The following ATP8A2 variants were observed in gnomAD, a reference collection of about 807,000 sequenced individuals.
The protein encoded by ATP8A2 is phospholipid-transporting ATPase IB.
A neutral mutation model predicts 165.6 loss-of-function variants in ATP8A2; 100 were observed. The ratio of observed to expected loss-of-function variants is 0.60; its 90% CI spans 0.51 to 0.71. ATP8A2 has a LOEUF of 0.71. ATP8A2 is among the 30% of genes least tolerant of loss of function. The pLI, the probability that ATP8A2 is intolerant of heterozygous loss-of-function variation, is 0.00. For synonymous variants in ATP8A2, 543 were observed against 548.8 expected, an observed-to-expected ratio of 0.99 and a Z score of 0.15; for missense variants, 1,227 against 1,479.5, an observed-to-expected ratio of 0.83 and a Z score of 2.80.
chr13:25,459,818 G>A (rs563888281), intron 1 of ATP8A2, among the ~76,000 whole-genome samples: 1 of 152,142 alleles, frequency 6.6e-6, no homozygotes, highest in Non-Finnish European at 1.5e-5. Context: ...CAGGAGAGGG[G>A]TCACTGATGT....
At chr13:25,965,212 T>G (rs1278623163) in intron 34 of ATP8A2, among the ~76,000 whole-genome samples, 1 of 152,178 alleles carries the variant, frequency 6.6e-6, no homozygotes, top group Non-Finnish European at 1.5e-5. Context: ...CCTTTTCAAG[T>G]ATATTTCTGT....
intron 35 of ATP8A2, among the ~76,000 whole-genome samples, chr13:25,989,058 T>C (rs1956329875): frequency 6.6e-6 from 1 of 152,240 alleles, no homozygotes; most frequent in Non-Finnish European, 1.5e-5. Context: ...CCTTGAACCC[T>C]CATTATCTTT....
At chr13:25,656,696 G>A (rs779800950) in intron 24 of ATP8A2, among the ~76,000 whole-genome samples, 53 of 149,412 alleles carry the variant, frequency 3.5e-4, no homozygotes, top group Admixed American at 2.3e-3. Context: ...AGCTGAGATC[G>A]TGCCACTGCA....
chr13:25,718,952 G>T (rs538311713), intron 25 of ATP8A2, among the ~76,000 whole-genome samples: 2 of 152,272 alleles, frequency 1.3e-5, no homozygotes, highest in South Asian at 4.1e-4. Flanking sequence ...GAACATACGC[G>T]TGCATGTGGG....
chr13:25,669,347 C>T (rs1056592136), intron 24 of ATP8A2, among the ~76,000 whole-genome samples: 1 of 152,132 alleles, frequency 6.6e-6, no homozygotes, highest in African/African-American at 2.4e-5. Context: ...AGTTATGTGA[C>T]AGAGGATTTC....
At chr13:25,789,070 T>TTGAGGATGGATGTG (rs1209225871) in intron 27 of ATP8A2, among the ~76,000 whole-genome samples, 2 of 152,190 alleles carry the variant, frequency 1.3e-5, no homozygotes, top group Non-Finnish European at 2.9e-5. Flanking sequence ...GCTGGTTGAA[T>TTGAGGATGGATGTG]TGAGGATGGA....
At chr13:25,685,301 C>T (rs115519300) in intron 24 of ATP8A2, among the ~76,000 whole-genome samples, 2,312 of 152,290 alleles carry the variant, frequency 0.015, 58 homozygotes, top group African/African-American at 0.052. Context: ...ACTGGACTCC[C>T]TGTTTCCCAT....
chr13:25,961,184 C>T (rs749783060), intron 33 of ATP8A2, among the ~76,000 whole-genome samples: 3 of 152,132 alleles, frequency 2.0e-5, no homozygotes, highest in Non-Finnish European at 2.9e-5. Context: ...AATGAACGGG[C>T]ATTGAGAGAA....
chr13:25,947,743 A>G (rs1955250944), intron 33 of ATP8A2, among the ~76,000 whole-genome samples: 1 of 152,168 alleles, frequency 6.6e-6, no homozygotes, highest in Admixed American at 6.5e-5. Context: ...CCGTGACTCA[A>G]GCAGACACCG....
chr13:25,674,082 G>A (rs2042321333), intron 24 of ATP8A2, among the ~76,000 whole-genome samples: 1 of 152,124 alleles, frequency 6.6e-6, no homozygotes. Context: ...CTTCGGGAAG[G>A]TCTAGGAAAT....
chr13:25,646,140 A>G (rs536286423), intron 24 of ATP8A2, among the ~76,000 whole-genome samples: 1 of 152,280 alleles, frequency 6.6e-6, no homozygotes, highest in South Asian at 2.1e-4. Context: ...CTCTTGATGA[A>G]TTGAACCCAT....
chr13:25,666,677 A>G (rs1450034506), intron 24 of ATP8A2, among the ~76,000 whole-genome samples: 2 of 151,948 alleles, frequency 1.3e-5, no homozygotes, highest in South Asian at 2.1e-4. Flanking sequence ...TTTTTGTTAC[A>G]TATGTTAAAC....
rs139012953 is a variant in ATP8A2, at chr13:25,737,919, C to T, written c.2385-31127C>T. On this transcript the variant is annotated intron_variant, in intron 25 of 36. Transcript: ENST00000381655. ...CAGGATGGTCTCGATCTCCTGACCT[C>T]GTGATCCGCCCCTCTCGGCCTCCCA... Among the ~76,000 whole-genome samples, 863 of 152,212 alleles carry T rather than the reference C, an allele frequency of 5.7e-3. 4 individuals are homozygous for T. Among genetic ancestry groups the T allele is most frequent in the Non-Finnish European group, 8.4e-3 (569 of 67,994 alleles).
Position 25,469,028 on chromosome 13 carries a change from G to C in ATP8A2, c.128G>C (p.Arg43Pro). Residue 43 changes from arginine to proline, a missense_variant, in exon 2 of 37, where the codon CGG becomes CCG. Arg to Pro is a moderately radical substitution (Grantham distance 103). Around this residue, in one of 5 missense-constraint regions of ATP8A2, gnomAD observed 356 missense variants for 394.9 expected, o/e 0.90. Transcript: ENST00000381655. ...GYKKAEDEMSRATSVGDQLEA... is the reference protein window; with the variant it reads ...GYKKAEDEMSPATSVGDQLEA... ...AAGAAGGCAGAGGATGAGATGTCCC[G>C]GGCCACGTCTGTTGGAGACCAGCTG... is the stretch of plus-strand genomic sequence containing the variant. The C allele has an allele frequency of 6.2e-7, 1 of 1,614,056 alleles. No homozygotes were observed. Among genetic ancestry groups the C allele is most frequent in the Non-Finnish European group, 8.5e-7 (1 of 1,179,910 alleles).
chr13:25,726,641 A>G (rs61947333), intron 25 of ATP8A2, among the ~76,000 whole-genome samples: 5,734 of 152,164 alleles, frequency 0.038, 167 homozygotes, highest in Middle Eastern at 0.096. Flanking sequence ...AATTCCATTT[A>G]GCGCCCACCC....
intron 25 of ATP8A2, among the ~76,000 whole-genome samples, chr13:25,766,996 C>T (rs1326347438): frequency 6.6e-6 from 1 of 152,194 alleles, no homozygotes; most frequent in Non-Finnish European, 1.5e-5. Flanking sequence ...CATGGACTTC[C>T]TTTCCCTGCT....
rs1954538852 is a variant in ATP8A2, at chr13:25,924,342, TC to T, written c.3184-37230del. Among the ~76,000 whole-genome samples, 4 of 152,158 alleles carry T rather than the reference TC, an allele frequency of 2.6e-5. No homozygotes were observed. The South Asian group carries it at 8.3e-4, about 32-fold the overall frequency. On this transcript the variant is annotated intron_variant, in intron 33 of 36. Transcript: ENST00000381655. ...AGATCAAGGTGTTGACAGGGTTGGT[TC>T]CCTCTCAGAGCAGTGAGAGAAAATC... is the stretch of plus-strand genomic sequence containing the variant.
At chr13:25,916,974 G>A in intron 33 of ATP8A2, among the ~76,000 whole-genome samples, 1 of 152,030 alleles carries the variant, frequency 6.6e-6, no homozygotes, top group East Asian at 1.9e-4. Context: ...ATAACTTGGG[G>A]TTTTTTTCTG....
At chr13:25,992,716 T>G (rs1219456984) in intron 35 of ATP8A2, among the ~76,000 whole-genome samples, 2 of 152,068 alleles carry the variant, frequency 1.3e-5, no homozygotes, top group Non-Finnish European at 2.9e-5. Context: ...ACTTTAAGTT[T>G]TAGGGTACAT....
Sources: allele counts gnomAD v4.1 joint callset (sites outside exome capture counted in the v4.1 genomes callset), GRCh38; gene constraint gnomAD v4.1.1; regional missense constraint gnomAD v4.1.1; transcripts MANE v1.5; gene names NCBI Gene and HGNC (gene_info 2026-07-23, HGNC 2026-07-21).